Variants in BCO2 observed in about 807,000 individuals in gnomAD.
The protein encoded by BCO2 is carotenoid-cleaving dioxygenase, mitochondrial.
In BCO2, 56 loss-of-function variants were observed where a neutral mutation model predicts 65.8. The ratio of observed to expected loss-of-function variants is 0.85; its 90% CI spans 0.69 to 1.06. The LOEUF is 1.06. BCO2 is among the 50% of genes least tolerant of loss of function. BCO2 has a pLI of 0.00. For missense variants in BCO2, 675 were observed against 698.5 expected (o/e 0.97, Z 0.38); for synonymous variants, 233 against 242.3 (o/e 0.96, Z 0.36).
Position 112,202,293 on chromosome 11 carries a change from T to TC in BCO2, c.1194+103_1194+104insC, listed in dbSNP as rs1447914027. 529 of 1,129,114 alleles carry TC rather than the reference T, an allele frequency of 4.7e-4. 1 individual carries two copies. In the East Asian group the frequency reaches 0.011, roughly 22 times the overall value. 69.9% of individuals were successfully genotyped at this position (1,129,114 alleles called of 1,614,324 possible). On this transcript the variant is annotated intron_variant, in intron 8 of 11. Coordinates refer to ENST00000357685, the MANE Select transcript of BCO2 (RefSeq NM_031938.7). The stretch of plus-strand genomic sequence containing the variant: ...TTTCTCTCTCTCTCTCTCTCTCTTT[T>TC]TTCTTTTGAGACTGAGTCTTGCTGT...
At chr11:112,216,962 A>G (rs1372400437) in intron 11 of BCO2, among the ~76,000 whole-genome samples, 3 of 152,234 alleles carry the variant, frequency 2.0e-5, no homozygotes, top group African/African-American at 7.2e-5. Context: ...GATATCTGCC[A>G]TGGGCTTTAG....
At position 112,199,838 on chromosome 11, in the gene BCO2, AG is replaced by A; in HGVS notation, c.865+12del. The A allele has an allele frequency of 6.2e-7, 1 of 1,613,312 alleles. No homozygotes were observed. Among genetic ancestry groups the A allele is most frequent in the Non-Finnish European group, 8.5e-7 (1 of 1,179,690 alleles). ...ACTACCATAGCTTTGGTGAGTCCAG[AG>A]ATAAGGCAAATTTCAGTGGGCTCTG... On this transcript the variant is annotated intron_variant, in intron 6 of 11. Transcript: ENST00000357685.
At chr11:112,216,029 G>A (rs1325494759) in intron 10 of BCO2, 191 bp from the exon 11 acceptor site, 54 of 583,082 alleles carry the variant, frequency 9.3e-5, no homozygotes, top group South Asian at 3.4e-4. Flanking sequence ...ATGAGGGACT[G>A]GCCCCCATCA....
intron 2 of BCO2, chr11:112,180,676 A>T: frequency 1.4e-6 from 1 of 707,778 alleles, no homozygotes; most frequent in Non-Finnish European, 2.6e-6. Flanking sequence ...GGCGAATCCA[A>T]GTGGGTGGAG....
At chr11:112,203,877 C>T (rs557685520) in intron 8 of BCO2, among the ~76,000 whole-genome samples, 16 of 150,962 alleles carry the variant, frequency 1.1e-4, no homozygotes, top group African/African-American at 3.7e-4. Context: ...TTTTTTGAGA[C>T]GGAGTCTCAC....
chr11:112,175,667 T>TGTGATG lies in BCO2; in HGVS notation c.70_75dup (p.Met24_Val25dup), dbSNP rs1171509249. 2 of 1,613,986 alleles carry TGTGATG rather than the reference T, an allele frequency of 1.2e-6. No individual in the cohort carries two copies. The highest frequency in any genetic ancestry group is 1.7e-6 in the Non-Finnish European group (2 of 1,179,814). The stretch of plus-strand genomic sequence containing the variant: ...CTGCCACTGCAGTGGATTTCCTTCC[T>TGTGATG]GTGATGGTGCACCGGCTCCCAGGTA... On this transcript the variant is annotated inframe_insertion, in exon 1 of 12. Coordinates refer to ENST00000357685, the MANE Select transcript of BCO2 (RefSeq NM_031938.7).
intron 2 of BCO2, among the ~76,000 whole-genome samples, chr11:112,184,639 A>G (rs1259709267): frequency 1.3e-5 from 2 of 152,182 alleles, no homozygotes; most frequent in Non-Finnish European, 2.9e-5. Context: ...GGCTCGTCCA[A>G]GATGTAATAC....
intron 8 of BCO2, among the ~76,000 whole-genome samples, chr11:112,204,887 A>G (rs902953871): frequency 7.9e-5 from 12 of 151,246 alleles, no homozygotes; most frequent in Non-Finnish European, 1.5e-4. Context: ...CTGCTCTCGA[A>G]CTCCTGACCT....
At chr11:112,192,978 C>CTT (rs34728026) in intron 2 of BCO2, among the ~76,000 whole-genome samples, 2,592 of 74,798 alleles carry the variant, frequency 0.035, 102 homozygotes, top group African/African-American at 0.093. Context: ...GTAAATTATT[C>CTT]TTTTTTTTTT....
intron 11 of BCO2, among the ~76,000 whole-genome samples, chr11:112,217,440 G>A (rs1404786819): frequency 6.6e-6 from 1 of 152,184 alleles, no homozygotes; most frequent in Non-Finnish European, 1.5e-5. Flanking sequence ...TCAGCCCACT[G>A]CAACCTCTGC....
chr11:112,182,751 T>A (rs1395253697), intron 2 of BCO2: 1 of 557,744 alleles, frequency 1.8e-6, no homozygotes, highest in East Asian at 3.0e-5. Flanking sequence ...ATACCTAATG[T>A]AAATGATGAG....
rs573469456 is a variant in BCO2, at chr11:112,184,405, A to G, written c.293+4923A>G. ...GTAGCTGGGACTACAGGTGCCCGCC[A>G]CCACGCCTGGCTAATTTTTTTGTAT... On this transcript the variant is annotated intron_variant, in intron 2 of 11. Coordinates refer to ENST00000357685, the MANE Select transcript of BCO2 (RefSeq NM_031938.7). 1.5e-3 allele frequency among the ~76,000 whole-genome samples: 228 copies of G among 152,080 alleles called. 1 individual carries two copies. The highest frequency in any genetic ancestry group is 2.7e-3 in the Non-Finnish European group (181 of 67,960).
Position 112,218,380 on chromosome 11 carries a change from T to C in BCO2, c.*506T>C, listed in dbSNP as rs1463829045. 6.2e-6 allele frequency: 1 copy of C among 160,272 alleles called. No individual in the cohort carries two copies. The highest frequency in any genetic ancestry group is 2.4e-5 in the African/African-American group (1 of 41,718). 9.9% of individuals were successfully genotyped at this position (160,272 alleles called of 1,614,324 possible). A position where few individuals can be genotyped will look rare whatever the true frequency, so the allele number is the denominator to read the frequency against. On this transcript the variant is annotated 3_prime_UTR_variant, in exon 12 of 12. Coordinates refer to ENST00000357685, the MANE Select transcript of BCO2 (RefSeq NM_031938.7). ...TGTCATGGCCATTAACACTACTTTA[T>C]AAGAGGTGCGGAAGACTGCCCTCAC...
intron 8 of BCO2, among the ~76,000 whole-genome samples, chr11:112,212,387 G>A (rs1859535312): frequency 6.6e-6 from 1 of 152,192 alleles, no homozygotes; most frequent in African/African-American, 2.4e-5. Context: ...TGTAATTCCA[G>A]CACTTTGGGA....
At chr11:112,213,107 G>A (rs971596162) in intron 8 of BCO2, among the ~76,000 whole-genome samples, 1 of 79,796 alleles carries the variant, frequency 1.3e-5, no homozygotes, top group African/African-American at 4.8e-5. Flanking sequence ...ATAATCATTT[G>A]TTTATTTGAT....
rs1228119604 is a variant in BCO2, at chr11:112,218,896, C to T, written c.*1022C>T. Reference sequence around the variant, plus strand: ...AATTTCATTTATTGGATATATCTTCCTCTAGGTAATAATAAGAATACACGA... The same window carrying T: ...AATTTCATTTATTGGATATATCTTCTTCTAGGTAATAATAAGAATACACGA... On this transcript the variant is annotated 3_prime_UTR_variant, in exon 12 of 12. Transcript: ENST00000357685. The T allele has an allele frequency of 6.6e-6, 1 of 152,056 alleles. No individual in the cohort carries two copies. Among genetic ancestry groups the T allele is most frequent in the African/African-American group, 2.4e-5 (1 of 41,398 alleles). 9.4% of individuals were successfully genotyped at this position (152,056 alleles called of 1,614,324 possible).
intron 8 of BCO2, among the ~76,000 whole-genome samples, chr11:112,205,867 G>A (rs1447011190): frequency 6.6e-6 from 1 of 152,190 alleles, no homozygotes; most frequent in Non-Finnish European, 1.5e-5. Flanking sequence ...CCAAAGTGCT[G>A]GGATTACAAG....
chr11:112,181,672 C>G (rs1237610646), intron 2 of BCO2: 3 of 947,984 alleles, frequency 3.2e-6, no homozygotes, highest in Non-Finnish European at 5.2e-6. Context: ...GATCATTCAC[C>G]AATATCCCAA....
chr11:112,194,245 A>G (rs1867492264), intron 4 of BCO2: 2 of 464,732 alleles, frequency 4.3e-6, no homozygotes, highest in Non-Finnish European at 7.7e-6. Flanking sequence ...ATAGAAGAGT[A>G]CTGATCTACT....
Sources: allele counts gnomAD v4.1 joint callset (sites outside exome capture counted in the v4.1 genomes callset), GRCh38; gene constraint gnomAD v4.1.1; transcripts MANE v1.5; gene names NCBI Gene and HGNC (gene_info 2026-07-23, HGNC 2026-07-21).